The following WDR72 variants were observed in gnomAD, a reference collection of about 807,000 sequenced individuals.
The protein encoded by WDR72 is WD repeat-containing protein 72.
WDR72 carries 120 observed loss-of-function variants against 124.2 expected under a neutral mutation model. That is an observed-to-expected ratio of 0.97 (90% CI 0.83 to 1.12). WDR72 has a LOEUF of 1.12. Ranked by LOEUF, WDR72 falls within the 50% of genes most tolerant of loss-of-function variation. The pLI is 0.00. For synonymous variants in WDR72, 452 were observed against 441.7 expected (o/e 1.02, Z -0.29); for missense variants, 1,387 against 1,278.8 (o/e 1.08, Z -1.29).
chr15:53,696,951 T>A (rs2017021947), intron 13 of WDR72, among the ~76,000 whole-genome samples: 1 of 152,318 alleles, frequency 6.6e-6, no homozygotes, highest in Admixed American at 6.5e-5. Flanking sequence ...TCTAAAGAAG[T>A]GAAGAGGCAC....
At chr15:53,603,962 C>T (rs1400364736) in intron 17 of WDR72, among the ~76,000 whole-genome samples, 3 of 152,072 alleles carry the variant, frequency 2.0e-5, no homozygotes, top group East Asian at 1.9e-4. Context: ...TCATTTTTCA[C>T]ATAACTAGAA....
Position 53,515,378 on chromosome 15 carries a change from T to C in WDR72, c.*2321A>G, listed in dbSNP as rs1891406706. Reference sequence around the variant, plus strand: ...CAGTTAACTGTGTGGCAATTTGCTATTTCAAGTCCTCTCATAACAGAAATT... The same window carrying C: ...CAGTTAACTGTGTGGCAATTTGCTACTTCAAGTCCTCTCATAACAGAAATT... On this transcript the variant is annotated 3_prime_UTR_variant, in exon 20 of 20. Transcript: ENST00000360509. 1 of 152,150 alleles carries C rather than the reference T, an allele frequency of 6.6e-6. No homozygotes were observed. The highest frequency in any genetic ancestry group is 1.5e-5 in the Non-Finnish European group (1 of 68,034). 9.4% of individuals were successfully genotyped at this position (152,150 alleles called of 1,614,324 possible).
chr15:53,615,376 AT>A (rs1566985362), intron 15 of WDR72, 49 bp downstream of exon 15: 10 of 1,403,674 alleles, frequency 7.1e-6, no homozygotes, highest in South Asian at 3.7e-5. Flanking sequence ...AATGATATAT[AT>A]TTTTAATGTC....
At chr15:53,565,597 C>T (rs938431673) in intron 18 of WDR72, among the ~76,000 whole-genome samples, 1 of 151,954 alleles carries the variant, frequency 6.6e-6, no homozygotes, top group African/African-American at 2.4e-5. Context: ...ACATCTCCTA[C>T]TTCTTTGTAA....
chr15:53,693,358 T>A (rs1465159708), intron 13 of WDR72, among the ~76,000 whole-genome samples: 1 of 146,688 alleles, frequency 6.8e-6, no homozygotes, highest in Non-Finnish European at 1.5e-5. Context: ...AATTCTAGTC[T>A]ATTGAGGCAA....
chr15:53,629,023 T>A (rs965363936), intron 14 of WDR72, among the ~76,000 whole-genome samples: 1 of 151,438 alleles, frequency 6.6e-6, no homozygotes, highest in Admixed American at 6.6e-5. Flanking sequence ...CCTAGAAAAA[T>A]CCTAATCTAA....
intron 19 of WDR72, among the ~76,000 whole-genome samples, chr15:53,520,703 T>G (rs1891745205): frequency 6.6e-6 from 1 of 152,048 alleles, no homozygotes; most frequent in South Asian, 2.1e-4. Context: ...GAGTAATGCT[T>G]ATGGTTTTGG....
chr15:53,547,830 T>C (rs1893547293), intron 18 of WDR72, among the ~76,000 whole-genome samples: 1 of 152,190 alleles, frequency 6.6e-6, no homozygotes, highest in Non-Finnish European at 1.5e-5. Flanking sequence ...GCTTCAAGCA[T>C]GCTTAGGGCA....
rs1891477586 is a variant in WDR72, at chr15:53,516,683, A to G, written c.*1016T>C. ...GATACATAGATAGATAGATATAGCT[A>G]TATATCACATATTTAATACTTTATA... is the stretch of plus-strand genomic sequence containing the variant. On this transcript the variant is annotated 3_prime_UTR_variant, in exon 20 of 20. Transcript: ENST00000360509. The G allele has an allele frequency of 2.0e-5, 3 of 152,082 alleles. No homozygotes were observed. The highest frequency in any genetic ancestry group is 2.0e-4 in the Admixed American group (3 of 15,240). The allele number at this position is 152,082 out of a possible 1,614,324, so 9.4% of individuals were successfully genotyped here.
chr15:53,616,206 A>C lies in WDR72; in HGVS notation c.2000T>G (p.Val667Gly). 6.2e-7 allele frequency: 1 copy of C among 1,604,366 alleles called. No homozygotes were observed. The highest frequency in any genetic ancestry group is 8.5e-7 in the Non-Finnish European group (1 of 1,179,032). The change falls in exon 15 of 20, where the codon GTC (valine) becomes GGC (glycine). Residue 667 changes from valine (V) to glycine (G), a missense_variant. Coordinates refer to ENST00000360509, the MANE Select transcript of WDR72 (RefSeq NM_182758.4). The stretch of plus-strand genomic sequence containing the variant: ...ACTCCATTTTGTCTTCACAGGCAAG[A>C]CATTAAAAGGTCTTGGGCAAAATTT... ...DAKFCPRPFN[V>G]LPVKTKWSNV...
chr15:53,712,314 C>T (rs1408635624), intron 7 of WDR72, among the ~76,000 whole-genome samples: 2 of 152,076 alleles, frequency 1.3e-5, no homozygotes, highest in African/African-American at 4.8e-5. Flanking sequence ...ACTGATATGT[C>T]AGGCCGTGTC....
At position 53,615,476 on chromosome 15, in the gene WDR72, TA is replaced by T; in HGVS notation, c.2729del (p.Leu910Ter). On this transcript the variant is annotated frameshift_variant, in exon 15 of 20. Transcript: ENST00000360509. LOFTEE classifies it high-confidence loss of function. ...TIVYLLSRLFLVNKLVNMPLE... is the reference protein window; with the variant it reads ...TIVYLLSRLFXVNKLVNMPLE... ...AAGGCATGTTAACTAATTTATTAAC[TA>T]AAAATAGTCTGCTCAACAAATAAAC... 6.2e-7 allele frequency: 1 copy of T among 1,612,254 alleles called. No individual in the cohort carries two copies. Among genetic ancestry groups the T allele is most frequent in the Non-Finnish European group, 8.5e-7 (1 of 1,179,126 alleles).
At chr15:53,651,935 G>A (rs1407871260) in intron 14 of WDR72, 2 of 152,242 alleles carry the variant, frequency 1.3e-5, no homozygotes, top group Non-Finnish European at 2.9e-5. Context: ...TTGCAGGAGT[G>A]AGCCACTGCG....
intron 18 of WDR72, among the ~76,000 whole-genome samples, chr15:53,572,927 G>A (rs2140307898): frequency 6.6e-6 from 1 of 152,234 alleles, no homozygotes; most frequent in African/African-American, 2.4e-5. Context: ...TAGGGATTGG[G>A]TTTTACATTA....
At chr15:53,704,829 A>C (rs1274259532) in intron 11 of WDR72, among the ~76,000 whole-genome samples, 159 bp downstream of exon 11, 1 of 151,310 alleles carries the variant, frequency 6.6e-6, no homozygotes, top group Non-Finnish European at 1.5e-5. Flanking sequence ...AAAAAAAAAA[A>C]AAACCTATAT....
intron 14 of WDR72, among the ~76,000 whole-genome samples, chr15:53,649,009 C>A (rs2015141702): frequency 1.3e-5 from 2 of 152,138 alleles, no homozygotes; most frequent in Admixed American, 1.3e-4. Context: ...ACAAGAAAAT[C>A]TTTTAATGAC....
At chr15:53,575,158 G>A (rs1471500492) in intron 18 of WDR72, among the ~76,000 whole-genome samples, 9 of 151,696 alleles carry the variant, frequency 5.9e-5, no homozygotes, top group African/African-American at 2.2e-4. Context: ...TTTTTCATAT[G>A]AGTACTACCA....
At chr15:53,518,586 T>C (rs1457528056) in intron 19 of WDR72, among the ~76,000 whole-genome samples, 4 of 151,842 alleles carry the variant, frequency 2.6e-5, no homozygotes, top group Non-Finnish European at 1.5e-5. Context: ...CTAGATTTTT[T>C]TTAGCGCTAA....
intron 16 of WDR72, among the ~76,000 whole-genome samples, chr15:53,613,040 G>A (rs977587020): frequency 1.3e-5 from 2 of 151,918 alleles, no homozygotes; most frequent in East Asian, 1.9e-4. Flanking sequence ...GAAAGGGAAA[G>A]TAAAAAAGAA....
Sources: gnomAD v4.1 joint callset for allele counts (sites outside exome capture counted in the v4.1 genomes callset) on GRCh38, gnomAD v4.1.1 for gene constraint, MANE v1.5 for transcripts, NCBI Gene and HGNC (gene_info 2026-07-23, HGNC 2026-07-21) for gene names.